Variants in TRABD2B observed in about 807,000 individuals in gnomAD.
TRABD2B encodes TraB domain containing 2B.
Under a neutral mutation model 40.1 loss-of-function variants are expected in TRABD2B, and 14 were observed. The ratio of observed to expected loss-of-function variants is 0.35; its 90% CI spans 0.23 to 0.55. TRABD2B has a LOEUF of 0.55. TRABD2B is among the 20% of genes least tolerant of loss of function. TRABD2B has a pLI of 0.90. For synonymous variants in TRABD2B, 263 were observed against 277.0 expected (o/e 0.95, Z 0.50); for missense variants, 541 against 648.6 (o/e 0.83, Z 1.80).
chr1:47,840,785 G>A (rs928332685), intron 2 of TRABD2B, among the ~76,000 whole-genome samples: 1 of 152,176 alleles, frequency 6.6e-6, no homozygotes, highest in Non-Finnish European at 1.5e-5. Flanking sequence ...GGGGCGTGAT[G>A]ACATTTCTCA....
At chr1:47,837,584 C>T (rs1019670736) in intron 2 of TRABD2B, among the ~76,000 whole-genome samples, 1 of 152,132 alleles carries the variant, frequency 6.6e-6, no homozygotes, top group Non-Finnish European at 1.5e-5. Context: ...GCCTTGGACT[C>T]GCCTCCTGTC....
chr1:47,949,146 T>C lies in TRABD2B; in HGVS notation c.666+44888A>G, dbSNP rs751923526. Among the ~76,000 whole-genome samples the C allele has an allele frequency of 9.3e-4, 142 of 152,334 alleles. 1 individual carries two copies. Among genetic ancestry groups the C allele is most frequent in the Admixed American group, 2.1e-3 (32 of 15,302 alleles). On this transcript the variant is annotated intron_variant, in intron 2 of 6. Coordinates refer to ENST00000606738, the MANE Select transcript of TRABD2B (RefSeq NM_001194986.2). ...ACATAGTAAGAGTAACTGCAATTAATGCTACTATGATGCATGCTGTGGGAC... is the reference window on the plus strand; with the variant it reads ...ACATAGTAAGAGTAACTGCAATTAACGCTACTATGATGCATGCTGTGGGAC...
At chr1:47,803,384 G>A (rs745734577) in intron 2 of TRABD2B, among the ~76,000 whole-genome samples, 1 of 152,178 alleles carries the variant, frequency 6.6e-6, no homozygotes, top group Non-Finnish European at 1.5e-5. Context: ...TGATGCTGCT[G>A]CTGCTGTCTG....
chr1:47,982,443 T>C (rs939189743), intron 2 of TRABD2B, among the ~76,000 whole-genome samples: 4 of 152,160 alleles, frequency 2.6e-5, no homozygotes, highest in Non-Finnish European at 5.9e-5. Flanking sequence ...TTTTCAGATA[T>C]GGAAACAGAT....
At chr1:47,990,785 A>C (rs1645994892) in intron 2 of TRABD2B, among the ~76,000 whole-genome samples, 2 of 10,558 alleles carry the variant, frequency 1.9e-4, no homozygotes, top group African/African-American at 5.0e-4. Flanking sequence ...ATATATATAT[A>C]TATATATATA....
At chr1:47,931,085 C>T (rs1645033990) in intron 2 of TRABD2B, among the ~76,000 whole-genome samples, 1 of 152,210 alleles carries the variant, frequency 6.6e-6, no homozygotes, top group South Asian at 2.1e-4. Context: ...TGCTCTATCC[C>T]CAGCACCTAA....
At chr1:47,894,931 G>A (rs932989507) in intron 2 of TRABD2B, among the ~76,000 whole-genome samples, 1 of 152,108 alleles carries the variant, frequency 6.6e-6, no homozygotes, top group African/African-American at 2.4e-5. Context: ...GGTAGGAAGA[G>A]CTCAGGAGGA....
chr1:47,840,096 T>G (rs911036602), intron 2 of TRABD2B, among the ~76,000 whole-genome samples: 7 of 152,032 alleles, frequency 4.6e-5, no homozygotes, highest in Admixed American at 3.9e-4. Context: ...GTTTGCTGAG[T>G]GAACAATCGG....
At chr1:47,820,789 C>T (rs1645097116) in intron 2 of TRABD2B, among the ~76,000 whole-genome samples, 1 of 140,774 alleles carries the variant, frequency 7.1e-6, no homozygotes. Context: ...ACACCACACA[C>T]ACACACACAC....
intron 2 of TRABD2B, among the ~76,000 whole-genome samples, chr1:47,946,155 T>C (rs1006648117): frequency 7.2e-5 from 11 of 152,240 alleles, no homozygotes; most frequent in African/African-American, 2.7e-4. Context: ...GTTAAGCATC[T>C]TTTATTATGG....
chr1:47,858,761 C>T (rs1239740205), intron 2 of TRABD2B, among the ~76,000 whole-genome samples: 1 of 152,230 alleles, frequency 6.6e-6, no homozygotes, highest in Non-Finnish European at 1.5e-5. Context: ...GCCAGTGTTG[C>T]TGTCTCTTCC....
chr1:47,831,017 G>A (rs1018626706), intron 2 of TRABD2B, among the ~76,000 whole-genome samples: 1 of 152,158 alleles, frequency 6.6e-6, no homozygotes, highest in Non-Finnish European at 1.5e-5. Context: ...AGAGGCAGGG[G>A]GCCCGACTGA....
At chr1:47,784,878 C>G (rs1644574185) in intron 4 of TRABD2B, among the ~76,000 whole-genome samples, 1 of 152,196 alleles carries the variant, frequency 6.6e-6, no homozygotes, top group South Asian at 2.1e-4. Flanking sequence ...AGCTGACACA[C>G]AGTCCCCTCC....
intron 2 of TRABD2B, among the ~76,000 whole-genome samples, chr1:47,904,374 C>G (rs1644647344): frequency 6.6e-6 from 1 of 152,144 alleles, no homozygotes; most frequent in African/African-American, 2.4e-5. Context: ...AGATTTTACT[C>G]AGTAGGTGAA....
intron 2 of TRABD2B, among the ~76,000 whole-genome samples, chr1:47,976,985 C>T (rs576497121): frequency 6.6e-6 from 1 of 152,018 alleles, no homozygotes; most frequent in African/African-American, 2.4e-5. Context: ...TGATGTGATT[C>T]AGGTTTCACC....
At chr1:47,903,477 A>G (rs1437022567) in intron 2 of TRABD2B, among the ~76,000 whole-genome samples, 1 of 152,104 alleles carries the variant, frequency 6.6e-6, no homozygotes, top group East Asian at 1.9e-4. Context: ...CTTGAGGAGA[A>G]GGAGCTTTGT....
chr1:47,900,199 T>C (rs903395532), intron 2 of TRABD2B, among the ~76,000 whole-genome samples: 2 of 151,698 alleles, frequency 1.3e-5, no homozygotes, highest in Non-Finnish European at 2.9e-5. Flanking sequence ...TGTTGGCAGA[T>C]TGTTGTTGGA....
intron 2 of TRABD2B, among the ~76,000 whole-genome samples, chr1:47,859,766 T>A (rs1643939216): frequency 6.6e-6 from 1 of 152,216 alleles, no homozygotes; most frequent in Non-Finnish European, 1.5e-5. Flanking sequence ...CCCTTGAGGA[T>A]GAAGTCCTTA....
At chr1:47,882,703 C>T (rs867965998) in intron 2 of TRABD2B, among the ~76,000 whole-genome samples, 11 of 152,082 alleles carry the variant, frequency 7.2e-5, no homozygotes, top group African/African-American at 1.9e-4. Flanking sequence ...GCTCTGTGAA[C>T]GCTAACATGC....
Sources: allele counts gnomAD v4.1 joint callset (sites outside exome capture counted in the v4.1 genomes callset), GRCh38; gene constraint gnomAD v4.1.1; transcripts MANE v1.5; gene names NCBI Gene and HGNC (gene_info 2026-07-23, HGNC 2026-07-21).